CENPE: variants seen among roughly 807,000 people sequenced by gnomAD.
CENPE encodes the protein centromere-associated protein E.
In CENPE, 145 loss-of-function variants were observed where a neutral mutation model predicts 336.1. That is an observed-to-expected ratio of 0.43 (90% CI 0.38 to 0.50). CENPE has a LOEUF of 0.50. CENPE is among the 20% of genes least tolerant of loss of function. The pLI is 0.00. For synonymous variants in CENPE, 1,013 were observed against 984.8 expected (o/e 1.03, Z -0.54); for missense variants, 2,719 against 3,023.3 (o/e 0.90, Z 2.36).
chr4:103,125,467 G>C (rs1240452095), intron 42 of CENPE, among the ~76,000 whole-genome samples: 1 of 151,972 alleles, frequency 6.6e-6, no homozygotes, highest in Non-Finnish European at 1.5e-5. Flanking sequence ...AAGCAATGTT[G>C]GTCCTTATGA....
At chr4:103,123,468 T>C (rs552145482) in intron 42 of CENPE, among the ~76,000 whole-genome samples, 43 of 152,244 alleles carry the variant, frequency 2.8e-4, no homozygotes, top group African/African-American at 1.0e-3. Flanking sequence ...GCAATTTAGA[T>C]ATGCCACCGT....
intron 8 of CENPE, among the ~76,000 whole-genome samples, chr4:103,186,154 A>C (rs1176785640): frequency 6.6e-6 from 1 of 152,150 alleles, no homozygotes; most frequent in Non-Finnish European, 1.5e-5. Context: ...CACTGCTCCA[A>C]CTTTGTATTT....
chr4:103,161,192 C>T lies in CENPE; in HGVS notation c.2025G>A (p.Gln675=), dbSNP rs2251634. The T allele has an allele frequency of 0.4, 639,789 of 1,610,002 alleles. 129,479 individuals carry two copies. The highest frequency in any genetic ancestry group is 0.6 in the African/African-American group (44,607 of 74,796). Residue 675 remains glutamine, a synonymous_variant, in exon 20 of 49, where the codon CAG becomes CAA. Transcript: ENST00000265148. The part of the protein sequence containing the change: ...MENDIQLYQS[Q]LEAKKKMQVD... ...CTTGCATTTTCTTTTTTGCCTCCAA[C>T]TGGCTTTGATATAACTGAATATCAT... is the stretch of plus-strand genomic sequence containing the variant.
chr4:103,195,824 CTTCCT>C (rs1757689154), intron 4 of CENPE, 91 bp downstream of exon 4: 3 of 782,890 alleles, frequency 3.8e-6, no homozygotes, highest in South Asian at 3.0e-5. Flanking sequence ...TGTAAATCTA[CTTCCT>C]TTCATCTTTA....
At chr4:103,183,062 A>T in intron 10 of CENPE, 139 bp downstream of exon 10, 1 of 866,204 alleles carries the variant, frequency 1.2e-6, no homozygotes, top group Non-Finnish European at 1.8e-6. Flanking sequence ...AAGTAAATTC[A>T]GTAGATTATA....
intron 33 of CENPE, among the ~76,000 whole-genome samples, chr4:103,144,099 C>G (rs1470865955): frequency 6.6e-6 from 1 of 151,844 alleles, no homozygotes; most frequent in Non-Finnish European, 1.5e-5. Flanking sequence ...ACCACGCCTG[C>G]CTAATTTTTT....
intron 1 of CENPE, 137 bp from the exon 2 acceptor site, chr4:103,196,987 G>A (rs1757791441): frequency 1.6e-6 from 1 of 644,396 alleles, no homozygotes; most frequent in Non-Finnish European, 2.8e-6. Flanking sequence ...CCATCTTTGA[G>A]GATTCAACTC....
At chr4:103,194,012 T>C (rs553778786) in intron 8 of CENPE, among the ~76,000 whole-genome samples, 4 of 152,176 alleles carry the variant, frequency 2.6e-5, no homozygotes, top group South Asian at 4.1e-4. Flanking sequence ...TTTTAGGAGA[T>C]GGCAACCATG....
chr4:103,106,348 T>A, intron 48 of CENPE, 32 bp from the exon 49 acceptor site: 1 of 1,526,996 alleles, frequency 6.5e-7, no homozygotes, highest in Non-Finnish European at 9.0e-7. Flanking sequence ...ACATTCATCC[T>A]ATTACAAAAA....
intron 9 of CENPE, among the ~76,000 whole-genome samples, chr4:103,185,475 T>C (rs1394620215): frequency 6.6e-6 from 1 of 152,072 alleles, no homozygotes; most frequent in African/African-American, 2.4e-5. Flanking sequence ...AATATCTGCA[T>C]ATTAATTTTG....
At position 103,176,946 on chromosome 4, in the gene CENPE, G is replaced by A. The variant is rs748324776; in HGVS notation, c.1343C>T (p.Thr448Ile). The A allele has an allele frequency of 6.3e-7, 1 of 1,588,438 alleles. No homozygotes were observed. Among genetic ancestry groups the A allele is most frequent in the Non-Finnish European group, 8.6e-7 (1 of 1,166,398 alleles). Residue 448 changes from threonine (T) to isoleucine (I), a missense_variant, in exon 14 of 49, where the codon ACA becomes ATA. Thr to Ile is a moderately conservative substitution (Grantham distance 89). Transcript: ENST00000265148. Reference protein sequence around the residue: ...DQFNIPTNITTKTHKLSINLL... With the variant: ...DQFNIPTNITIKTHKLSINLL... The stretch of plus-strand genomic sequence containing the variant: ...ATTTATAGAAAGCTTATGTGTTTTT[G>A]TTGTTATATTTGTTGGTATATTAAA...
rs946168543 is a variant in CENPE at position 103,141,115 on chromosome 4, T to C, written c.5464-11A>G. 2 of 1,460,832 alleles carry C rather than the reference T, an allele frequency of 1.4e-6. No individual in the cohort carries two copies. The highest frequency in any genetic ancestry group is 1.4e-5 in the African/African-American group (1 of 70,610). The allele number at this position is 1,460,832 out of a possible 1,614,324, so 90.5% of individuals were successfully genotyped here. A position where few individuals can be genotyped will look rare whatever the true frequency, so the allele number is the denominator to read the frequency against. On this transcript the variant is annotated splice_polypyrimidine_tract_variant and intron_variant, in intron 35 of 48. Transcript: ENST00000265148. ...CTTAAGTTCTTGAATCTTAAGATAA[T>C]CATAAAATAATATGTTAGGTGGCTT...
rs1752859806 is a variant in CENPE, at chr4:103,144,631, TA to T, written c.4858-14del. 2.5e-6 allele frequency: 4 copies of T among 1,576,152 alleles called. No individual in the cohort carries two copies. The highest frequency in any genetic ancestry group is 3.5e-6 in the Non-Finnish European group (4 of 1,159,136). On this transcript the variant is annotated splice_polypyrimidine_tract_variant and intron_variant, in intron 32 of 48. Transcript: ENST00000265148. ...GAGATTCTTTCATCTGAGAAAATTATAAAGTAAGTTACAACATAGGCAGAAT... is the reference window on the plus strand; with the variant it reads ...GAGATTCTTTCATCTGAGAAAATTATAAGTAAGTTACAACATAGGCAGAAT...
Position 103,144,571 on chromosome 4 carries a change from A to T in CENPE, c.4905T>A (p.Ala1635=). 1 of 1,612,608 alleles carries T rather than the reference A, an allele frequency of 6.2e-7. No homozygotes were observed. The highest frequency in any genetic ancestry group is 8.5e-7 in the Non-Finnish European group (1 of 1,179,218). ...ACATTTTCTCCTGAGTCTCATTGAC[A>T]GCTGTCATCTTAAGAAACTGATATT... The part of the protein sequence containing the change: ...EKEYQFLKMT[A]VNETQEKMCE... The change falls in exon 33 of 49, where the codon GCT becomes GCA. Residue 1635 remains alanine (A), a synonymous_variant. Transcript: ENST00000265148.
intron 24 of CENPE, 47 bp from the exon 25 acceptor site, chr4:103,153,297 CAACT>C: frequency 7.7e-7 from 1 of 1,296,632 alleles, no homozygotes; most frequent in African/African-American, 1.5e-5. Flanking sequence ...TAGTTAACAA[CAACT>C]TTAAAAAATA....
intron 16 of CENPE, among the ~76,000 whole-genome samples, chr4:103,172,285 T>C (rs1471456824): frequency 2.0e-5 from 3 of 151,952 alleles, no homozygotes; most frequent in African/African-American, 7.2e-5. Context: ...CCCAGGAATA[T>C]AAGAATGGTT....
intron 1 of CENPE, 114 bp downstream of exon 1, chr4:103,198,150 T>A: frequency 1.0e-6 from 1 of 997,880 alleles, no homozygotes; most frequent in Non-Finnish European, 1.5e-6. Flanking sequence ...GCCGAGTCAC[T>A]AGACAGCAGA....
At chr4:103,130,610 C>G (rs1038193088) in intron 42 of CENPE, among the ~76,000 whole-genome samples, 2 of 152,016 alleles carry the variant, frequency 1.3e-5, no homozygotes, top group African/African-American at 4.8e-5. Context: ...TAGAAGCAAT[C>G]CCAACAAAAC....
Position 103,144,444 on chromosome 4 carries a change from G to A in CENPE, c.5032C>T (p.Leu1678Phe). 6.2e-7 allele frequency: 1 copy of A among 1,613,976 alleles called. No individual in the cohort carries two copies. Among genetic ancestry groups the A allele is most frequent in the South Asian group, 1.1e-5 (1 of 91,074 alleles). ...IRLTQILHEN[L>F]EEMRSVTKER... ...TTTGTTACAGATCTCATTTCTTCAAGGTTTTCATGTAGTATCTGAGTCAAC... is the reference window on the plus strand; with the variant it reads ...TTTGTTACAGATCTCATTTCTTCAAAGTTTTCATGTAGTATCTGAGTCAAC... Residue 1678 changes from leucine to phenylalanine, a missense_variant, in exon 33 of 49, where the codon CTT (leucine) becomes TTT (phenylalanine). Leu to Phe is a conservative substitution (Grantham distance 22). Around this residue, in one of 5 missense-constraint regions of CENPE, gnomAD observed 2,437 missense variants for 2,513.3 expected, o/e 0.97. Transcript: ENST00000265148.
Sources: allele counts gnomAD v4.1 joint callset (sites outside exome capture counted in the v4.1 genomes callset), GRCh38; gene constraint gnomAD v4.1.1; regional missense constraint gnomAD v4.1.1; transcripts MANE v1.5; gene names NCBI Gene and HGNC (gene_info 2026-07-23, HGNC 2026-07-21).